The following APLP2 variants were observed in gnomAD, a reference collection of about 807,000 sequenced individuals.
APLP2 encodes the protein CDEI box-binding protein.
Under a neutral mutation model 89.9 loss-of-function variants are expected in APLP2, and 53 were observed. That is an observed-to-expected ratio of 0.59 (90% confidence interval 0.47 to 0.74). APLP2 has a LOEUF of 0.74. APLP2 is among the 30% of genes least tolerant of loss of function. The pLI, the probability that APLP2 is intolerant of heterozygous loss-of-function variation, is 0.00. For missense variants in APLP2, 973 were observed against 975.9 expected (o/e 1.00, Z 0.04); for synonymous variants, 372 against 348.6 (o/e 1.07, Z -0.75).
Position 130,143,704 on chromosome 11 carries a change from T to C in APLP2, c.*256T>C. ...AATGATCTATTGCAGATATTTGATG[T>C]AGTTTTCTTTTTTAAATTAATCAGA... On this transcript the variant is annotated 3_prime_UTR_variant, in exon 17 of 17. Transcript: ENST00000338167. 2.7e-6 allele frequency: 1 copy of C among 369,012 alleles called. No individual in the cohort carries two copies. Among genetic ancestry groups the C allele is most frequent in the Non-Finnish European group, 5.0e-6 (1 of 200,624 alleles). The allele number at this position is 369,012 out of a possible 1,614,324, so 22.9% of individuals were successfully genotyped here.
chr11:130,129,230 C>CT (rs1350030087), intron 10 of APLP2, 24 bp downstream of exon 10: 8 of 1,602,314 alleles, frequency 5.0e-6, no homozygotes, highest in Non-Finnish European at 6.8e-6. Flanking sequence ...CTAGCACTGC[C>CT]TGCCCTGAGG....
intron 11 of APLP2, among the ~76,000 whole-genome samples, chr11:130,132,677 T>G (rs796223985): frequency 2.7e-4 from 41 of 152,008 alleles, no homozygotes; most frequent in African/African-American, 9.4e-4. Flanking sequence ...CTACGGTAGA[T>G]GAGTCTTCCT....
Position 130,143,219 on chromosome 11 carries a change from C to T in APLP2, c.2155-128C>T, listed in dbSNP as rs191884185. 195 of 796,516 alleles carry T rather than the reference C, an allele frequency of 2.4e-4. 2 individuals carry two copies. The highest frequency in any genetic ancestry group is 1.9e-3 in the African/African-American group (114 of 59,256). The allele number at this position is 796,516 out of a possible 1,614,324, so 49.3% of individuals were successfully genotyped here. A position where few individuals can be genotyped will look rare whatever the true frequency, so the allele number is the denominator to read the frequency against. On this transcript the variant is annotated intron_variant, in intron 16 of 16. Transcript: ENST00000338167. ...ACCACCGGTTCTCATTTGGCCTGTC[C>T]GGTGGGAACGGGCTGCTGGCTGCAT...
At chr11:130,119,686 C>T (rs1949604832) in intron 3 of APLP2, among the ~76,000 whole-genome samples, 2 of 152,194 alleles carry the variant, frequency 1.3e-5, no homozygotes, top group Non-Finnish European at 2.9e-5. Flanking sequence ...CTAGATTCTC[C>T]AGTTTTACCT....
chr11:130,122,840 C>A (rs920747598), intron 6 of APLP2, among the ~76,000 whole-genome samples: 1 of 152,330 alleles, frequency 6.6e-6, no homozygotes, highest in African/African-American at 2.4e-5. Flanking sequence ...CTCTTCGATA[C>A]CACTCAAGTT....
chr11:130,090,637 A>G (rs1944825819), intron 1 of APLP2, among the ~76,000 whole-genome samples: 1 of 151,984 alleles, frequency 6.6e-6, no homozygotes, highest in African/African-American at 2.4e-5. Flanking sequence ...GTGCAGAACA[A>G]AATGAAAAGT....
intron 1 of APLP2, among the ~76,000 whole-genome samples, chr11:130,093,278 C>T (rs1591784442): frequency 6.6e-6 from 1 of 152,126 alleles, no homozygotes; most frequent in Non-Finnish European, 1.5e-5. Flanking sequence ...CTTAGGATCA[C>T]CAAAGACTTC....
At chr11:130,109,341 A>C in intron 1 of APLP2, 88 bp from the exon 2 acceptor site, 1 of 1,178,308 alleles carries the variant, frequency 8.5e-7, no homozygotes, top group South Asian at 1.6e-5. Context: ...GGTTTTTAAA[A>C]GATGCATTCT....
intron 14 of APLP2, 169 bp downstream of exon 14, chr11:130,140,652 TG>T: frequency 2.2e-6 from 1 of 461,918 alleles, no homozygotes; most frequent in Non-Finnish European, 3.9e-6. Flanking sequence ...GTTTAGCATC[TG>T]GGTATGAAAA....
chr11:130,075,450 CT>C (rs1941958175), intron 1 of APLP2, among the ~76,000 whole-genome samples: 1 of 152,136 alleles, frequency 6.6e-6, no homozygotes, highest in Non-Finnish European at 1.5e-5. Flanking sequence ...TGGTTCTGTG[CT>C]AGATGCTAAA....
intron 1 of APLP2, among the ~76,000 whole-genome samples, chr11:130,086,852 T>G (rs2135477088): frequency 6.6e-6 from 1 of 152,330 alleles, no homozygotes; most frequent in South Asian, 2.1e-4. Flanking sequence ...ATGTCTGTCT[T>G]TATGCCAATA....
chr11:130,080,636 C>A (rs115181637), intron 1 of APLP2, among the ~76,000 whole-genome samples: 4 of 151,870 alleles, frequency 2.6e-5, no homozygotes, highest in African/African-American at 9.7e-5. Context: ...CTGTAAGTTC[C>A]TGGACTGTGA....
intron 1 of APLP2, among the ~76,000 whole-genome samples, chr11:130,091,222 AC>A (rs71040411): frequency 1.0e-4 from 5 of 49,188 alleles, no homozygotes; most frequent in South Asian, 6.7e-4. Flanking sequence ...AGGGGGGCTG[AC>A]CCCCCCCACC....
chr11:130,096,775 TAC>T (rs1217321365), intron 1 of APLP2, among the ~76,000 whole-genome samples: 2 of 152,210 alleles, frequency 1.3e-5, no homozygotes, highest in African/African-American at 4.8e-5. Context: ...CATGTGTGCT[TAC>T]ACACACGTTT....
intron 1 of APLP2, among the ~76,000 whole-genome samples, chr11:130,083,969 G>C (rs947577112): frequency 6.6e-6 from 1 of 152,174 alleles, no homozygotes; most frequent in South Asian, 2.1e-4. Context: ...TTTCTCGGCC[G>C]GGCGCGGTGC....
chr11:130,121,096 A>G (rs1565587169), intron 4 of APLP2, among the ~76,000 whole-genome samples: 1 of 152,164 alleles, frequency 6.6e-6, no homozygotes. Context: ...CTCCCAGGAA[A>G]CCATCCTAAC....
At chr11:130,092,209 C>T (rs1945441568) in intron 1 of APLP2, among the ~76,000 whole-genome samples, 1 of 141,032 alleles carries the variant, frequency 7.1e-6, no homozygotes, top group African/African-American at 2.8e-5. Flanking sequence ...GGGATGGCGG[C>T]TGGGCGGAGA....
At chr11:130,105,663 T>C (rs960577182) in intron 1 of APLP2, among the ~76,000 whole-genome samples, 36 of 150,566 alleles carry the variant, frequency 2.4e-4, no homozygotes, top group African/African-American at 8.8e-4. Flanking sequence ...TGTGCTTGTC[T>C]CTCTCTTTCT....
chr11:130,079,384 C>T (rs58447587), intron 1 of APLP2, among the ~76,000 whole-genome samples: 16,817 of 152,154 alleles, frequency 0.11, 1,180 homozygotes, highest in East Asian at 0.25. Context: ...TAGGTGTGAG[C>T]CACTACGCCC....
Sources: gnomAD v4.1 joint callset for allele counts (sites outside exome capture counted in the v4.1 genomes callset) on GRCh38, gnomAD v4.1.1 for gene constraint, MANE v1.5 for transcripts, NCBI Gene and HGNC (gene_info 2026-07-23, HGNC 2026-07-21) for gene names.